Variants in KLHL3 observed in about 807,000 individuals in gnomAD.
KLHL3 encodes kelch like family member 3.
Under a neutral mutation model 70.5 loss-of-function variants are expected in KLHL3, and 19 were observed. The observed-to-expected ratio is 0.27, with a 90% CI of 0.19 to 0.40. The LOEUF is 0.40. Among genes scored for constraint, KLHL3 ranks in the 10% least tolerant of loss-of-function variants. The pLI, the probability that KLHL3 is intolerant of heterozygous loss-of-function variation, is 1.00. For synonymous variants in KLHL3, 258 were observed against 290.3 expected, an observed-to-expected ratio of 0.89 and a Z score of 1.13; for missense variants, 512 against 771.1, an observed-to-expected ratio of 0.66 and a Z score of 3.98.
In KLHL3 at chr5:137,691,278, AATT is replaced by A. The variant is rs909664537; in HGVS notation, c.526+1004_526+1006del. On this transcript the variant is annotated intron_variant, in intron 5 of 14. Transcript: ENST00000309755. ...GTTTTCTGATTTAAAAAAACACTATAATTATAATAGATGGCTTAGTTCAGTTGT... is the reference window on the plus strand; with the variant it reads ...GTTTTCTGATTTAAAAAAACACTATAATAATAGATGGCTTAGTTCAGTTGT... Among the ~76,000 whole-genome samples the A allele has an allele frequency of 2.0e-5, 3 of 152,306 alleles. No individual in the cohort carries two copies. In the East Asian group the frequency reaches 5.8e-4, roughly 29 times the overall value.
At chr5:137,723,669 TA>T (rs1455719540) in intron 1 of KLHL3, among the ~76,000 whole-genome samples, 1 of 152,232 alleles carries the variant, frequency 6.6e-6, no homozygotes, top group African/African-American at 2.4e-5. Flanking sequence ...TATCTGCATA[TA>T]ATGCCAGAGA....
At chr5:137,651,503 T>G (rs533292027) in intron 8 of KLHL3, among the ~76,000 whole-genome samples, 1 of 152,182 alleles carries the variant, frequency 6.6e-6, no homozygotes, top group Admixed American at 6.5e-5. Context: ...CAGGGATAGA[T>G]CTAACAAAAG....
At chr5:137,686,812 C>T (rs1439352118) in intron 5 of KLHL3, among the ~76,000 whole-genome samples, 1 of 152,250 alleles carries the variant, frequency 6.6e-6, no homozygotes, top group African/African-American at 2.4e-5. Flanking sequence ...ACAATCTAAC[C>T]TTCATTCCCT....
At chr5:137,656,363 C>T (rs1352120877) in intron 8 of KLHL3, among the ~76,000 whole-genome samples, 1 of 152,182 alleles carries the variant, frequency 6.6e-6, no homozygotes, top group East Asian at 1.9e-4. Context: ...GTCTGTACCA[C>T]ATGGCTGCAT....
Position 137,639,068 on chromosome 5 carries a change from G to C in KLHL3, c.1104C>G (p.Asp368Glu). ...TGGACGTCCACTGGTCCTTCACGCC[G>C]TCATACACATCCACTGTCCGCACCC... is the stretch of plus-strand genomic sequence containing the variant. ...SLRVRTVDVYDGVKDQWTSIA... is the reference protein window; with the variant it reads ...SLRVRTVDVYEGVKDQWTSIA... The change falls in exon 10 of 15, where the codon GAC becomes GAG. Residue 368 changes from aspartate (D) to glutamate (E), a missense_variant. Transcript: ENST00000309755. This position sits in a 1 kb window ranked among gnomAD's most constrained non-coding sequence, Gnocchi z 5.0. 1 of 1,614,004 alleles carries C rather than the reference G, an allele frequency of 6.2e-7. No homozygotes were observed. Among genetic ancestry groups the C allele is most frequent in the Non-Finnish European group, 8.5e-7 (1 of 1,179,990 alleles).
chr5:137,728,745 G>C (rs935326260), intron 1 of KLHL3, among the ~76,000 whole-genome samples: 1 of 152,086 alleles, frequency 6.6e-6, no homozygotes, highest in Non-Finnish European at 1.5e-5. Flanking sequence ...GCAATGTTTG[G>C]GGGAATCCAA....
chr5:137,647,611 G>A (rs1400439874), intron 8 of KLHL3: 3 of 472,408 alleles, frequency 6.4e-6, no homozygotes, highest in African/African-American at 4.0e-5. Flanking sequence ...CAGGAAGCGA[G>A]AGTCTCTCTT....
intron 13 of KLHL3, chr5:137,627,925 A>T (rs958449552): frequency 3.6e-5 from 7 of 196,370 alleles, no homozygotes; most frequent in Non-Finnish European, 4.2e-5. Flanking sequence ...GATAGAACCA[A>T]GTGCCATTGT....
chr5:137,645,275 T>C (rs1052985747), intron 8 of KLHL3, among the ~76,000 whole-genome samples: 2 of 152,142 alleles, frequency 1.3e-5, no homozygotes, highest in Admixed American at 1.3e-4. Context: ...GCCCACTTTC[T>C]CCACTTCTAT....
At chr5:137,658,737 C>T (rs1490094162) in intron 7 of KLHL3, among the ~76,000 whole-genome samples, 2 of 152,036 alleles carry the variant, frequency 1.3e-5, no homozygotes, top group East Asian at 3.9e-4. Flanking sequence ...GAGCCATCAG[C>T]CAACCTTTGG....
At chr5:137,622,263 G>C (rs1189249234) in intron 14 of KLHL3, 137 bp from the exon 15 acceptor site, 2 of 1,018,114 alleles carry the variant, frequency 2.0e-6, no homozygotes, top group East Asian at 2.5e-5. Flanking sequence ...TATTGAAGTG[G>C]ACTCAGGCTG....
chr5:137,679,965 T>C (rs1351778213), intron 5 of KLHL3, among the ~76,000 whole-genome samples: 2 of 152,252 alleles, frequency 1.3e-5, no homozygotes, highest in African/African-American at 4.8e-5. Context: ...CGTTTCCATT[T>C]AGTCTGAGGA....
chr5:137,636,190 C>T (rs1016871539), intron 11 of KLHL3, among the ~76,000 whole-genome samples: 1 of 152,050 alleles, frequency 6.6e-6, no homozygotes, highest in Non-Finnish European at 1.5e-5. Flanking sequence ...AATAGTACAC[C>T]TTTAAATGAA....
At chr5:137,734,860 T>C (rs1370303729) in intron 1 of KLHL3, among the ~76,000 whole-genome samples, 2 of 152,202 alleles carry the variant, frequency 1.3e-5, no homozygotes, top group Non-Finnish European at 2.9e-5. Flanking sequence ...CAATGAAAGA[T>C]TCAGATCTTC....
chr5:137,678,978 T>C (rs1038795424), intron 5 of KLHL3, among the ~76,000 whole-genome samples: 3 of 151,758 alleles, frequency 2.0e-5, no homozygotes, highest in Non-Finnish European at 2.9e-5. Context: ...AACATCAACA[T>C]GGTAAGAAGC....
chr5:137,709,923 TA>T, intron 2 of KLHL3, 67 bp from the exon 3 acceptor site: 1 of 1,266,934 alleles, frequency 7.9e-7, no homozygotes, highest in Non-Finnish European at 1.2e-6. Context: ...CTTACAAGGG[TA>T]TTTTTTTCTC....
chr5:137,669,612 G>C (rs1751701389), intron 6 of KLHL3, among the ~76,000 whole-genome samples: 1 of 150,730 alleles, frequency 6.6e-6, no homozygotes. Context: ...GAAGCACAAT[G>C]GTTTGATAGA....
intron 4 of KLHL3, among the ~76,000 whole-genome samples, chr5:137,693,678 G>T (rs1752377172): frequency 6.6e-6 from 1 of 152,070 alleles, no homozygotes; most frequent in Non-Finnish European, 1.5e-5. Context: ...GGGGACCCTG[G>T]CATCCACTTC....
At chr5:137,691,007 A>G (rs976447329) in intron 5 of KLHL3, among the ~76,000 whole-genome samples, 1 of 152,218 alleles carries the variant, frequency 6.6e-6, no homozygotes, top group African/African-American at 2.4e-5. Context: ...ACAAGTGGCA[A>G]TGAAGATTTC....
Sources: allele counts gnomAD v4.1 joint callset (sites outside exome capture counted in the v4.1 genomes callset), GRCh38; gene constraint gnomAD v4.1.1; non-coding constraint Gnocchi (gnomAD v3.1); transcripts MANE v1.5; gene names NCBI Gene and HGNC (gene_info 2026-07-23, HGNC 2026-07-21).